Variants in SPATA6 observed in about 807,000 individuals in gnomAD.
SPATA6 encodes the protein spermatogenesis-associated protein 6.
SPATA6 carries 56 observed loss-of-function variants against 65.3 expected under a neutral mutation model. The observed-to-expected ratio is 0.86, with a 90% CI of 0.69 to 1.07. The LOEUF (loss-of-function observed/expected upper bound fraction) is 1.07, where lower values mean the gene tolerates loss of function less well. SPATA6 is among the 50% of genes least tolerant of loss of function. The pLI, the probability that SPATA6 is intolerant of heterozygous loss-of-function variation, is 0.00. For synonymous variants in SPATA6, 199 were observed against 213.2 expected, an observed-to-expected ratio of 0.93 and a Z score of 0.58; for missense variants, 590 against 594.8, an observed-to-expected ratio of 0.99 and a Z score of 0.08.
chr1:48,377,438 A>T (rs1193985960), intron 9 of SPATA6, among the ~76,000 whole-genome samples: 2 of 152,136 alleles, frequency 1.3e-5, no homozygotes, highest in Admixed American at 1.3e-4. Flanking sequence ...TCTATTGCAG[A>T]TGCTCTTCCC....
downstream of SPATA6, among the ~76,000 whole-genome samples, chr1:48,290,748 A>G (rs985237480): frequency 2.6e-5 from 4 of 152,158 alleles, no homozygotes; most frequent in Non-Finnish European, 5.9e-5. Flanking sequence ...AAGAGACAAA[A>G]AAGGCCATTA....
chr1:48,414,106 T>C (rs532133333), intron 3 of SPATA6, among the ~76,000 whole-genome samples: 1 of 152,310 alleles, frequency 6.6e-6, no homozygotes, highest in East Asian at 1.9e-4. Context: ...AGTGAAACTT[T>C]GTGTGGGTCG....
At chr1:48,414,755 T>C (rs1011088396) in intron 3 of SPATA6, among the ~76,000 whole-genome samples, 4 of 152,204 alleles carry the variant, frequency 2.6e-5, no homozygotes, top group African/African-American at 9.7e-5. Context: ...ATTCACTCAG[T>C]ATAGCTTTCA....
At chr1:48,419,738 T>C (rs1653144577) in intron 3 of SPATA6, among the ~76,000 whole-genome samples, 1 of 152,170 alleles carries the variant, frequency 6.6e-6, no homozygotes, top group South Asian at 2.1e-4. Flanking sequence ...GAAGTAATCA[T>C]CTCTTCATCT....
intron 1 of SPATA6, among the ~76,000 whole-genome samples, chr1:48,470,234 A>T (rs1466515077): frequency 6.6e-6 from 1 of 152,168 alleles, no homozygotes; most frequent in Non-Finnish European, 1.5e-5. Flanking sequence ...ACTTCCTCTT[A>T]GAAAGTTTGT....
At chr1:48,437,542 G>A (rs1046110291) in intron 3 of SPATA6, among the ~76,000 whole-genome samples, 5 of 152,064 alleles carry the variant, frequency 3.3e-5, no homozygotes, top group Non-Finnish European at 7.4e-5. Context: ...TCAGTATTTT[G>A]CTGTTCCTTG....
chr1:48,337,455 T>C (rs906873413), intron 11 of SPATA6, among the ~76,000 whole-genome samples: 5 of 151,878 alleles, frequency 3.3e-5, no homozygotes, highest in African/African-American at 1.2e-4. Flanking sequence ...ATCTTTCATG[T>C]TGAATAAGAC....
intron 11 of SPATA6, among the ~76,000 whole-genome samples, chr1:48,342,909 C>G (rs753717505): frequency 1.3e-5 from 2 of 152,068 alleles, no homozygotes; most frequent in Non-Finnish European, 2.9e-5. Flanking sequence ...TGGAAAGCAT[C>G]TGTGACAAAA....
downstream of SPATA6, among the ~76,000 whole-genome samples, chr1:48,293,511 C>G (rs904769125): frequency 6.6e-6 from 1 of 152,128 alleles, no homozygotes; most frequent in Non-Finnish European, 1.5e-5. Context: ...GCCAGGGTCT[C>G]CTACTCTACC....
At chr1:48,471,785 G>A (rs149540466) in intron 1 of SPATA6, among the ~76,000 whole-genome samples, 173 bp downstream of exon 1, 160 of 152,282 alleles carry the variant, frequency 1.1e-3, no homozygotes, top group African/African-American at 3.8e-3. Context: ...TGGCCGGAGT[G>A]GGAGAGCGCT....
chr1:48,316,123 A>T (rs1645409474), intron 11 of SPATA6, among the ~76,000 whole-genome samples: 1 of 152,208 alleles, frequency 6.6e-6, no homozygotes, highest in Non-Finnish European at 1.5e-5. Flanking sequence ...TAATTTACAG[A>T]TTCAATGCCA....
chr1:48,308,651 T>A lies in SPATA6; in HGVS notation c.1195-2773A>T, dbSNP rs1231944177. ...TAGTGCAGATCTGCTAGTGATAAAC[T>A]TGGTTTTATTTGAGAATGCTAATTT... On this transcript the variant is annotated intron_variant, in intron 11 of 12. Coordinates refer to ENST00000371847, the MANE Select transcript of SPATA6 (RefSeq NM_019073.4). 2.6e-5 allele frequency among the ~76,000 whole-genome samples: 4 copies of A among 152,124 alleles called. No individual in the cohort carries two copies. In the East Asian group the frequency reaches 7.7e-4, roughly 29 times the overall value.
chr1:48,316,803 T>C lies in SPATA6; in HGVS notation c.1195-10925A>G, dbSNP rs561986891. ...ACTAATCTGACAAAGGGCTAATATC[T>C]AGAATCTGCAATGAACTAAAACAAA... On this transcript the variant is annotated intron_variant, in intron 11 of 12. Transcript: ENST00000371847. Among the ~76,000 whole-genome samples the C allele has an allele frequency of 8.5e-5, 13 of 152,158 alleles. 1 individual carries two copies. In the South Asian group the frequency reaches 2.5e-3, roughly 29 times the overall value.
the SPATA6 span, among the ~76,000 whole-genome samples, chr1:48,263,802 G>C: frequency 6.6e-6 from 1 of 152,134 alleles, no homozygotes; most frequent in African/African-American, 2.4e-5. Context: ...AGTTCTGTGA[G>C]AACATTTAAG....
chr1:48,443,302 T>C (rs1374557218), intron 3 of SPATA6, among the ~76,000 whole-genome samples: 1 of 152,172 alleles, frequency 6.6e-6, no homozygotes, highest in Admixed American at 6.5e-5. Flanking sequence ...ACACGTATTA[T>C]CCTACCTTCA....
At chr1:48,293,977 T>C (rs758916621), downstream of SPATA6, among the ~76,000 whole-genome samples, 2 of 152,222 alleles carry the variant, frequency 1.3e-5, no homozygotes, top group Non-Finnish European at 2.9e-5. Flanking sequence ...TCAAAGTATA[T>C]CATTCAGTGA....
At chr1:48,276,989 C>A in the SPATA6 span, among the ~76,000 whole-genome samples, 1 of 151,296 alleles carries the variant, frequency 6.6e-6, no homozygotes, top group African/African-American at 2.4e-5. Flanking sequence ...CTAAGAACTT[C>A]CTTTATGAAT....
At chr1:48,437,563 C>G (rs533414116) in intron 3 of SPATA6, among the ~76,000 whole-genome samples, 2 of 152,258 alleles carry the variant, frequency 1.3e-5, no homozygotes, top group African/African-American at 4.8e-5. Context: ...GGAATGAGCC[C>G]TCAGAGGACA....
intron 5 of SPATA6, among the ~76,000 whole-genome samples, chr1:48,411,044 G>C (rs1312172308): frequency 6.6e-6 from 1 of 152,148 alleles, no homozygotes; most frequent in Non-Finnish European, 1.5e-5. Flanking sequence ...TAATGAGTTA[G>C]AGTATTTTTT....
Sources: allele counts gnomAD v4.1 joint callset (sites outside exome capture counted in the v4.1 genomes callset), GRCh38; gene constraint gnomAD v4.1.1; transcripts MANE v1.5; gene names NCBI Gene and HGNC (gene_info 2026-07-23, HGNC 2026-07-21).